SORD: variants seen among roughly 807,000 people sequenced by gnomAD.
The protein encoded by SORD is sorbitol dehydrogenase, also known as (R,R)-butanediol dehydrogenase.
Under a neutral mutation model 35.6 loss-of-function variants are expected in SORD, and 18 were observed. The observed-to-expected ratio is 0.51, with a 90% CI of 0.35 to 0.75. SORD has a LOEUF of 0.75. SORD is among the 30% of genes least tolerant of loss of function. The pLI is 0.01. For missense variants in SORD, 250 were observed against 390.2 expected (o/e 0.64, Z 3.03); for synonymous variants, 106 against 152.9 (o/e 0.69, Z 2.26).
At chr15:45,040,001 T>A (rs1298373160) in intron 1 of SORD, among the ~76,000 whole-genome samples, 1 of 152,046 alleles carries the variant, frequency 6.6e-6, no homozygotes, top group Non-Finnish European at 1.5e-5. Context: ...GTGGGTGGGA[T>A]GAGGTCAGCA....
chr15:45,046,247 C>T (rs1233353953), intron 3 of SORD, among the ~76,000 whole-genome samples: 1 of 151,862 alleles, frequency 6.6e-6, no homozygotes, highest in African/African-American at 2.4e-5. Context: ...CAAATATAGA[C>T]ATTTTATTTT....
intron 1 of SORD, among the ~76,000 whole-genome samples, chr15:45,025,835 T>C (rs1483528054): frequency 6.6e-6 from 1 of 152,160 alleles, no homozygotes; most frequent in Non-Finnish European, 1.5e-5. Context: ...GTTGTCACGA[T>C]GACTGAGGAG....
chr15:45,065,336 C>T lies in SORD; in HGVS notation c.491C>T (p.Ala164Val). The T allele has an allele frequency of 5.0e-6, 8 of 1,613,866 alleles. No homozygotes were observed. The highest frequency in any genetic ancestry group is 5.9e-6 in the Non-Finnish European group (7 of 1,179,850). The part of the protein sequence containing the change: ...LIEPLSVGIH[A>V]CRRGGVTLGH... ...GAGCCACTTTCTGTGGGGATCCATG[C>T]CTGCAGGAGAGGCGGAGTTACCCTG... The change falls in exon 5 of 9, where the codon GCC becomes GTC. Residue 164 changes from alanine to valine, a missense_variant. Ala to Val is a moderately conservative substitution (Grantham distance 64). Coordinates refer to ENST00000267814, the MANE Select transcript of SORD (RefSeq NM_003104.6).
At chr15:45,035,938 A>T (rs1214541708) in intron 1 of SORD, among the ~76,000 whole-genome samples, 1 of 151,600 alleles carries the variant, frequency 6.6e-6, no homozygotes, top group African/African-American at 2.4e-5. Flanking sequence ...CAAACTCCGG[A>T]CACGTCGCCT....
chr15:45,070,196 A>C (rs1258558140), intron 7 of SORD: 3 of 152,150 alleles, frequency 2.0e-5, no homozygotes, highest in Admixed American at 6.5e-5. Context: ...CCCGCTGCTT[A>C]GGAGAGGAAG....
intron 7 of SORD, among the ~76,000 whole-genome samples, chr15:45,071,519 C>G (rs546246224): frequency 6.6e-6 from 1 of 152,200 alleles, no homozygotes; most frequent in African/African-American, 2.4e-5. Context: ...TCTAGTTCCA[C>G]TGTTTAGCAC....
chr15:45,052,310 T>C (rs1052407818), intron 3 of SORD, among the ~76,000 whole-genome samples: 1 of 152,142 alleles, frequency 6.6e-6, no homozygotes, highest in Non-Finnish European at 1.5e-5. Flanking sequence ...CTCCCTGTGA[T>C]GGGGATGGGG....
In SORD at chr15:45,023,296, G is replaced by GCGT; in HGVS notation, c.14_15insGTC (p.Ala5_Lys6insSer). 1 of 1,585,878 alleles carries GCGT rather than the reference G, an allele frequency of 6.3e-7. No homozygotes were observed. The highest frequency in any genetic ancestry group is 1.8e-5 in the Admixed American group (1 of 56,312). ...CCAAAAGAGCTCCATGGCGGCGGCG[G>GCGT]CCAAGCCCAACAACCTTTCCCTGGT... is the stretch of plus-strand genomic sequence containing the variant. On this transcript the variant is annotated inframe_insertion, in exon 1 of 9. Transcript: ENST00000267814.
At chr15:45,031,244 G>C (rs962353362) in intron 1 of SORD, among the ~76,000 whole-genome samples, 2 of 152,180 alleles carry the variant, frequency 1.3e-5, no homozygotes, top group African/African-American at 4.8e-5. Flanking sequence ...TTTGAGCCCA[G>C]GAGTTCGAGA....
intron 3 of SORD, among the ~76,000 whole-genome samples, chr15:45,059,887 C>A (rs1272023585): frequency 6.6e-6 from 1 of 152,122 alleles, no homozygotes; most frequent in African/African-American, 2.4e-5. Context: ...ACTGTATGAT[C>A]CCATTTTTGT....
chr15:45,041,815 A>G (rs947024353), intron 2 of SORD: 1 of 152,194 alleles, frequency 6.6e-6, no homozygotes, highest in Non-Finnish European at 1.5e-5. Context: ...GTCTCTTGCT[A>G]CACTTGCATT....
intron 5 of SORD, 109 bp from the exon 6 acceptor site, chr15:45,068,072 A>T (rs1366242025): frequency 2.4e-6 from 2 of 820,280 alleles, no homozygotes; most frequent in Non-Finnish European, 4.3e-6. Context: ...AGGCACTGGG[A>T]TAGATGCTAG....
chr15:45,057,578 G>A (rs1407109191), intron 3 of SORD, among the ~76,000 whole-genome samples: 1 of 152,106 alleles, frequency 6.6e-6, no homozygotes, highest in Non-Finnish European at 1.5e-5. Context: ...AGGTCAGGAA[G>A]TGGAGACCAT....
intron 4 of SORD, among the ~76,000 whole-genome samples, chr15:45,061,962 G>T (rs1268204113): frequency 6.6e-6 from 1 of 152,168 alleles, no homozygotes; most frequent in Non-Finnish European, 1.5e-5. Flanking sequence ...TGCTGCCAGG[G>T]CTTGAGCTCT....
At chr15:45,031,319 ACAACG>A (rs1892782006) in intron 1 of SORD, among the ~76,000 whole-genome samples, 3 of 87,996 alleles carry the variant, frequency 3.4e-5, no homozygotes, top group African/African-American at 4.6e-4. Flanking sequence ...TAAAACAACA[ACAACG>A]ACAAAAAAAA....
intron 2 of SORD, chr15:45,042,393 G>A (rs888263979): frequency 1.3e-5 from 2 of 152,180 alleles, no homozygotes; most frequent in African/African-American, 4.8e-5. Context: ...TTGGGAGGCT[G>A]AGGCAGGAGA....
intron 1 of SORD, among the ~76,000 whole-genome samples, chr15:45,026,740 A>ATCTGAAGCAGGTTTCCAAAGCAT (rs1364165627): frequency 6.6e-6 from 1 of 152,254 alleles, no homozygotes; most frequent in Non-Finnish European, 1.5e-5. Flanking sequence ...CATTCCTAAA[A>ATCTGAAGCAGGTTTCCAAAGCAT]TCTGAAGCAG....
At chr15:45,059,898 G>A (rs1893275385) in intron 3 of SORD, among the ~76,000 whole-genome samples, 1 of 152,152 alleles carries the variant, frequency 6.6e-6, no homozygotes, top group Admixed American at 6.5e-5. Flanking sequence ...CCATTTTTGT[G>A]ATGTGCTAGA....
chr15:45,059,891 T>A (rs1049136243), intron 3 of SORD, among the ~76,000 whole-genome samples: 5 of 152,208 alleles, frequency 3.3e-5, no homozygotes, highest in Admixed American at 2.6e-4. Flanking sequence ...TATGATCCCA[T>A]TTTTGTGATG....
Sources: allele counts gnomAD v4.1 joint callset (sites outside exome capture counted in the v4.1 genomes callset), GRCh38; gene constraint gnomAD v4.1.1; transcripts MANE v1.5; gene names NCBI Gene and HGNC (gene_info 2026-07-23, HGNC 2026-07-21).